RIPK1: variants seen among roughly 807,000 people sequenced by gnomAD.
RIPK1 encodes the protein receptor interacting serine/threonine kinase 1, also known as receptor-interacting serine/threonine-protein kinase 1.
A neutral mutation model predicts 62.4 loss-of-function variants in RIPK1; 27 were observed. That is an observed-to-expected ratio of 0.43 (90% confidence interval 0.32 to 0.60). RIPK1 has a LOEUF of 0.60. Among genes scored for constraint, RIPK1 ranks in the 20% least tolerant of loss-of-function variants. The pLI, the probability that RIPK1 is intolerant of heterozygous loss-of-function variation, is 0.07. For missense variants in RIPK1, 735 were observed against 831.0 expected, an observed-to-expected ratio of 0.88 and a Z score of 1.42; for synonymous variants, 287 against 303.2, an observed-to-expected ratio of 0.95 and a Z score of 0.55.
intron 7 of RIPK1, among the ~76,000 whole-genome samples, chr6:3,089,960 T>C (rs942458736): frequency 1.3e-5 from 2 of 152,154 alleles, no homozygotes; most frequent in Admixed American, 6.5e-5. Flanking sequence ...TCTTGAAAGA[T>C]AGAAAGACCA....
At chr6:3,111,047 A>G in intron 10 of RIPK1, 92 bp downstream of exon 10, 1 of 888,342 alleles carries the variant, frequency 1.1e-6, no homozygotes, top group Non-Finnish European at 1.6e-6. Flanking sequence ...TTCTCTGATA[A>G]TTCTTCTTGA....
chr6:3,098,735 CTT>C (rs1760441110), intron 7 of RIPK1, among the ~76,000 whole-genome samples: 3 of 152,178 alleles, frequency 2.0e-5, no homozygotes, highest in Non-Finnish European at 4.4e-5. Flanking sequence ...AAAGGTGAGT[CTT>C]TGCAGGTTGG....
intron 6 of RIPK1, among the ~76,000 whole-genome samples, chr6:3,088,396 G>A (rs879037033): frequency 2.0e-5 from 3 of 152,206 alleles, no homozygotes; most frequent in Admixed American, 2.0e-4. Context: ...TTCTCCACTA[G>A]ACCTCCTCTG....
chr6:3,100,637 C>G (rs1232992557), intron 7 of RIPK1, among the ~76,000 whole-genome samples: 1 of 151,954 alleles, frequency 6.6e-6, no homozygotes, highest in African/African-American at 2.4e-5. Flanking sequence ...GTCACCCAGG[C>G]TGGAGTGCAG....
chr6:3,093,994 C>A (rs1208404869), intron 7 of RIPK1, among the ~76,000 whole-genome samples: 1 of 133,582 alleles, frequency 7.5e-6, no homozygotes, highest in Non-Finnish European at 1.6e-5. Context: ...GAGCGCCTAC[C>A]TGCCGCACCT....
At chr6:3,069,178 G>T (rs892432726) in intron 1 of RIPK1, among the ~76,000 whole-genome samples, 6 of 152,200 alleles carry the variant, frequency 3.9e-5, no homozygotes, top group Admixed American at 1.3e-4. Context: ...GAGAAGGTGG[G>T]CTCCTAGTGC....
chr6:3,066,086 C>T (rs1306935272), upstream of RIPK1, among the ~76,000 whole-genome samples: 1 of 152,094 alleles, frequency 6.6e-6, no homozygotes, highest in Non-Finnish European at 1.5e-5. Context: ...CAGGCTGGAG[C>T]AATCTTGGCT....
intron 7 of RIPK1, among the ~76,000 whole-genome samples, chr6:3,102,118 T>C (rs1465782532): frequency 3.3e-5 from 5 of 152,214 alleles, no homozygotes; most frequent in Non-Finnish European, 7.4e-5. Flanking sequence ...CAGAATTTCA[T>C]TCCCTTTTAT....
chr6:3,103,273 C>T (rs1186996400), intron 7 of RIPK1, among the ~76,000 whole-genome samples: 10 of 150,454 alleles, frequency 6.6e-5, no homozygotes, highest in Admixed American at 2.6e-4. Context: ...TTGTTTGCAA[C>T]TTTTTCCCCA....
chr6:3,094,927 TG>T (rs1417443161), intron 7 of RIPK1, among the ~76,000 whole-genome samples: 1 of 151,798 alleles, frequency 6.6e-6, no homozygotes, highest in Non-Finnish European at 1.5e-5. Context: ...TAATGAGACA[TG>T]GTGGCATGTG....
chr6:3,074,971 C>T lies in RIPK1; in HGVS notation c.-60-1793C>T, dbSNP rs538992358. On this transcript the variant is annotated intron_variant, in intron 1 of 10. Transcript: ENST00000259808. ...CTGGGATTACAGACGTGAGCCACGG[C>T]GCCCAGCCGGGATGTGGGTATTTCT... Among the ~76,000 whole-genome samples, 3 of 152,304 alleles carry T rather than the reference C, an allele frequency of 2.0e-5. No individual in the cohort carries two copies. In the East Asian group the frequency reaches 5.8e-4, roughly 29 times the overall value.
intron 7 of RIPK1, among the ~76,000 whole-genome samples, chr6:3,097,191 T>C (rs993306860): frequency 6.6e-6 from 1 of 152,010 alleles, no homozygotes; most frequent in African/African-American, 2.4e-5. Context: ...CCTTTTAGTT[T>C]TGTGTGTGTG....
At chr6:3,083,030 C>A in intron 4 of RIPK1, 55 bp from the exon 5 acceptor site, 1 of 1,551,170 alleles carries the variant, frequency 6.4e-7, no homozygotes, top group Non-Finnish European at 8.9e-7. Flanking sequence ...AAAGTCAGAT[C>A]TGATTTGCTT....
intron 1 of RIPK1, among the ~76,000 whole-genome samples, chr6:3,076,296 A>T (rs538200371): frequency 6.6e-6 from 1 of 152,316 alleles, no homozygotes; most frequent in South Asian, 2.1e-4. Context: ...AAAATAGCTC[A>T]TCAGATGACT....
chr6:3,103,816 A>G (rs1760699556), intron 7 of RIPK1, among the ~76,000 whole-genome samples: 1 of 152,200 alleles, frequency 6.6e-6, no homozygotes. Flanking sequence ...ATATGGTATG[A>G]AATAAGGGTC....
chr6:3,083,033 A>G, intron 4 of RIPK1, 52 bp from the exon 5 acceptor site: 1 of 1,564,524 alleles, frequency 6.4e-7, no homozygotes, highest in Non-Finnish European at 8.8e-7. Flanking sequence ...GTCAGATCTG[A>G]TTTGCTTACG....
rs182916739 is a variant in RIPK1, at chr6:3,104,056, T to C, written c.916-169T>C. On this transcript the variant is annotated intron_variant, in intron 7 of 10. Coordinates refer to ENST00000259808, the MANE Select transcript of RIPK1 (RefSeq NM_001354930.2). ...GTGAGTCCTACAACCTTGTTCTTTT[T>C]AAAGATCATTTTGGCTATTTGGGAA... 5.4e-4 allele frequency among the ~76,000 whole-genome samples: 82 copies of C among 152,330 alleles called. No individual in the cohort carries two copies. In the East Asian group the frequency reaches 0.014, roughly 26 times the overall value.
upstream of RIPK1, chr6:3,064,024 C>T: frequency 6.6e-6 from 1 of 152,440 alleles, no homozygotes; most frequent in South Asian, 2.1e-4. Context: ...GAGTCGGCGT[C>T]CAGGCTCGGA....
chr6:3,065,926 C>A (rs1188440840), upstream of RIPK1, among the ~76,000 whole-genome samples: 3 of 152,238 alleles, frequency 2.0e-5, no homozygotes, highest in Non-Finnish European at 2.9e-5. Context: ...AAAAACAACG[C>A]ATTTCCAACC....
Sources: gnomAD v4.1 joint callset for allele counts (sites outside exome capture counted in the v4.1 genomes callset) on GRCh38, gnomAD v4.1.1 for gene constraint, MANE v1.5 for transcripts, NCBI Gene and HGNC (gene_info 2026-07-23, HGNC 2026-07-21) for gene names.